The following IL5RA variants were observed in gnomAD, a reference collection of about 807,000 sequenced individuals.
IL5RA encodes the protein interleukin-5 receptor subunit alpha.
Under a neutral mutation model 50.0 loss-of-function variants are expected in IL5RA, and 49 were observed. The observed-to-expected ratio is 0.98, with a 90% CI of 0.78 to 1.24. The LOEUF (loss-of-function observed/expected upper bound fraction) is 1.24, where lower values mean the gene tolerates loss of function less well. IL5RA is among the 50% of genes most tolerant of loss of function. The pLI is 0.00. For missense variants in IL5RA, 600 were observed against 500.4 expected (o/e 1.20, Z -1.90); for synonymous variants, 202 against 174.0 (o/e 1.16, Z -1.26).
intron 2 of IL5RA, 106 bp from the exon 3 acceptor site, chr3:3,105,093 A>T: frequency 1.4e-6 from 1 of 692,070 alleles, no homozygotes; most frequent in Non-Finnish European, 2.6e-6. Flanking sequence ...TTTAACAGAC[A>T]TTTATGGCAT....
intron 8 of IL5RA, among the ~76,000 whole-genome samples, chr3:3,093,199 G>C (rs546294950): frequency 1.3e-5 from 2 of 152,274 alleles, no homozygotes; most frequent in South Asian, 4.1e-4. Context: ...CAGATACAGA[G>C]TCATGATTTC....
chr3:3,089,552 C>T (rs1370963551), intron 9 of IL5RA, among the ~76,000 whole-genome samples: 2 of 152,164 alleles, frequency 1.3e-5, no homozygotes, highest in Non-Finnish European at 2.9e-5. Context: ...TATGTATACT[C>T]TTCCAATGGT....
chr3:3,107,209 C>T (rs1433987008), intron 2 of IL5RA, among the ~76,000 whole-genome samples: 2 of 151,010 alleles, frequency 1.3e-5, no homozygotes, highest in African/African-American at 2.4e-5. Context: ...ATAGGCAGCA[C>T]AAGGTACTCA....
intron 8 of IL5RA, 28 bp downstream of exon 8, chr3:3,095,271 C>A: frequency 1.3e-6 from 2 of 1,519,086 alleles, no homozygotes; most frequent in South Asian, 1.2e-5. Context: ...TGTCTGTTAT[C>A]AAATATTGGA....
Position 3,092,546 on chromosome 3 carries a change from C to T in IL5RA, c.856-184G>A, listed in dbSNP as rs1703174493. On this transcript the variant is annotated intron_variant, in intron 8 of 11. Transcript: ENST00000446632. This position sits in a 1 kb window ranked among gnomAD's most constrained non-coding sequence, Gnocchi z 4.2. ...TAGTGTGGATGTGTTGGCAGTCACCCTTCAGTGGAACGCTATCTTGTAACC... is the reference window on the plus strand; with the variant it reads ...TAGTGTGGATGTGTTGGCAGTCACCTTTCAGTGGAACGCTATCTTGTAACC... Among the ~76,000 whole-genome samples, 1 of 152,126 alleles carries T rather than the reference C, an allele frequency of 6.6e-6. No homozygotes were observed. The highest frequency in any genetic ancestry group is 1.5e-5 in the Non-Finnish European group (1 of 68,028).
At chr3:3,071,059 G>A (rs1384469092) in intron 11 of IL5RA, among the ~76,000 whole-genome samples, 1 of 152,074 alleles carries the variant, frequency 6.6e-6, no homozygotes, top group African/African-American at 2.4e-5. Context: ...AATGAATAGT[G>A]CTGATAATAA....
intron 5 of IL5RA, among the ~76,000 whole-genome samples, chr3:3,098,518 G>A (rs532692552): frequency 6.0e-4 from 91 of 151,988 alleles, no homozygotes; most frequent in Middle Eastern, 3.4e-3. Context: ...AGCGATTCTC[G>A]TGCCTCAGCC....
At chr3:3,076,797 A>G (rs1390509441) in intron 9 of IL5RA, among the ~76,000 whole-genome samples, 170 bp from the exon 10 acceptor site, 1 of 152,194 alleles carries the variant, frequency 6.6e-6, no homozygotes, top group Admixed American at 6.5e-5. Flanking sequence ...CTCATCTGTA[A>G]AAGAAGGGTA....
intron 1 of IL5RA, among the ~76,000 whole-genome samples, chr3:3,109,437 A>T (rs956096243): frequency 1.3e-5 from 2 of 152,202 alleles, no homozygotes; most frequent in African/African-American, 4.8e-5. Context: ...ATTAAACCCT[A>T]TACCCTATTT....
In IL5RA at chr3:3,093,273, C is replaced by T. The variant is rs185333284; in HGVS notation, c.856-911G>A. Among the ~76,000 whole-genome samples the T allele has an allele frequency of 6.6e-5, 10 of 152,260 alleles. No individual in the cohort carries two copies. In the South Asian group the frequency reaches 2.1e-3, roughly 32 times the overall value. On this transcript the variant is annotated intron_variant, in intron 8 of 11. Coordinates refer to ENST00000446632, the MANE Select transcript of IL5RA (RefSeq NM_175726.4). The stretch of plus-strand genomic sequence containing the variant: ...TTACTTGCCACTTGACTGAAAGAAC[C>T]ATACTCTCTCAAGCATAAAGTTACT...
chr3:3,086,762 G>T (rs183561850), intron 9 of IL5RA, among the ~76,000 whole-genome samples: 1 of 152,126 alleles, frequency 6.6e-6, no homozygotes, highest in African/African-American at 2.4e-5. Flanking sequence ...GACACCTAAC[G>T]TGCATGTTTA....
At chr3:3,091,990 A>C (rs1415380600) in intron 9 of IL5RA, 1 of 1,221,334 alleles carries the variant, frequency 8.2e-7, no homozygotes, top group Middle Eastern at 3.1e-4. Context: ...TGGAAAAAAA[A>C]CAGGCACCAG....
At chr3:3,074,439 T>C (rs1420876053) in intron 11 of IL5RA, among the ~76,000 whole-genome samples, 1 of 152,164 alleles carries the variant, frequency 6.6e-6, no homozygotes, top group Non-Finnish European at 1.5e-5. Context: ...TCAGTACCTT[T>C]CCAATATGTC....
At chr3:3,074,695 A>G (rs928153510) in intron 11 of IL5RA, 87 bp downstream of exon 11, 3 of 726,168 alleles carry the variant, frequency 4.1e-6, no homozygotes, top group African/African-American at 3.6e-5. Context: ...CCTGCCTTAT[A>G]ATATAGAAAA....
At chr3:3,074,571 C>A (rs974679319) in intron 11 of IL5RA, among the ~76,000 whole-genome samples, 1 of 152,122 alleles carries the variant, frequency 6.6e-6, no homozygotes, top group Non-Finnish European at 1.5e-5. Context: ...GTGTTTGAGA[C>A]CAGCCTGGAC....
chr3:3,098,713 A>G (rs17878676), intron 5 of IL5RA, among the ~76,000 whole-genome samples: 281 of 152,252 alleles, frequency 1.8e-3, no homozygotes, highest in African/African-American at 6.6e-3. Flanking sequence ...CCATGATCAC[A>G]TATTTCTAGA....
At chr3:3,088,279 T>C (rs1574989647) in intron 9 of IL5RA, among the ~76,000 whole-genome samples, 1 of 152,074 alleles carries the variant, frequency 6.6e-6, no homozygotes, top group African/African-American at 2.4e-5. Context: ...ATGGCAGAGG[T>C]GGAAGCAGGT....
At chr3:3,073,028 C>G (rs1265033564) in intron 11 of IL5RA, among the ~76,000 whole-genome samples, 1 of 152,160 alleles carries the variant, frequency 6.6e-6, no homozygotes. Context: ...CTCTTCTTCC[C>G]AAAGAACTCA....
intron 2 of IL5RA, among the ~76,000 whole-genome samples, chr3:3,105,798 C>G (rs1281480607): frequency 1.3e-5 from 2 of 152,118 alleles, no homozygotes; most frequent in Non-Finnish European, 2.9e-5. Flanking sequence ...GTCTCGGCAT[C>G]CTGTTCTACA....
Sources: gnomAD v4.1 joint callset for allele counts (sites outside exome capture counted in the v4.1 genomes callset) on GRCh38, gnomAD v4.1.1 for gene constraint, Gnocchi (gnomAD v3.1) non-coding constraint, MANE v1.5 for transcripts, NCBI Gene and HGNC (gene_info 2026-07-23, HGNC 2026-07-21) for gene names.